TMEM131: variants seen among roughly 807,000 people sequenced by gnomAD.
TMEM131 encodes the protein transmembrane protein 131.
In TMEM131, 66 loss-of-function variants were observed where a neutral mutation model predicts 211.6. The observed-to-expected ratio is 0.31, with a 90% CI of 0.26 to 0.38. The LOEUF (loss-of-function observed/expected upper bound fraction) is 0.38. TMEM131 is among the 10% of genes least tolerant of loss of function. The pLI is 1.00. For missense variants in TMEM131, 2,036 were observed against 2,299.3 expected, an observed-to-expected ratio of 0.89 and a Z score of 2.34; for synonymous variants, 844 against 841.3, an observed-to-expected ratio of 1.00 and a Z score of -0.06.
chr2:97,966,386 CT>C (rs1330046866), intron 1 of TMEM131, among the ~76,000 whole-genome samples: 1 of 152,116 alleles, frequency 6.6e-6, no homozygotes, highest in African/African-American at 2.4e-5. Flanking sequence ...ATTTCTTCCA[CT>C]CTTCAAATCT....
At chr2:97,887,067 T>C (rs1465939280) in intron 4 of TMEM131, among the ~76,000 whole-genome samples, 1 of 151,996 alleles carries the variant, frequency 6.6e-6, no homozygotes, top group Non-Finnish European at 1.5e-5. Context: ...GGGTGACCCA[T>C]GGGGCTGTTT....
At chr2:97,801,173 G>GT (rs2104922054) in intron 25 of TMEM131, among the ~76,000 whole-genome samples, 1 of 152,336 alleles carries the variant, frequency 6.6e-6, no homozygotes, top group South Asian at 2.1e-4. Flanking sequence ...TGATACAATG[G>GT]TAAGGGCAAG....
At chr2:97,782,279 CAG>C (rs931464211) in intron 31 of TMEM131, among the ~76,000 whole-genome samples, 5 of 152,208 alleles carry the variant, frequency 3.3e-5, no homozygotes, top group African/African-American at 9.7e-5. Context: ...TGCGAGTCAA[CAG>C]AGGACAGCAG....
intron 1 of TMEM131, among the ~76,000 whole-genome samples, chr2:97,958,562 C>G (rs557312222): frequency 2.0e-4 from 30 of 152,200 alleles, no homozygotes; most frequent in African/African-American, 5.3e-4. Context: ...CATACTGAAT[C>G]GCATTCTCTG....
chr2:97,846,685 T>C (rs189846703), intron 5 of TMEM131, among the ~76,000 whole-genome samples: 1 of 152,298 alleles, frequency 6.6e-6, no homozygotes. Context: ...GCCTTTTTAT[T>C]TTAAAGCTAT....
At chr2:97,882,317 T>C (rs145815683) in intron 4 of TMEM131, among the ~76,000 whole-genome samples, 26 of 152,354 alleles carry the variant, frequency 1.7e-4, no homozygotes, top group African/African-American at 5.8e-4. Flanking sequence ...AGCAGCTATT[T>C]TGTAGCATAA....
At chr2:97,913,360 G>A (rs1222186313) in intron 2 of TMEM131, among the ~76,000 whole-genome samples, 5 of 152,098 alleles carry the variant, frequency 3.3e-5, no homozygotes, top group Admixed American at 6.5e-5. Flanking sequence ...TTCAAAGTGC[G>A]TTACTGTCTT....
At chr2:97,918,862 C>G (rs1676621479) in intron 2 of TMEM131, among the ~76,000 whole-genome samples, 1 of 151,016 alleles carries the variant, frequency 6.6e-6, no homozygotes, top group Non-Finnish European at 1.5e-5. Flanking sequence ...ACAATTTATT[C>G]TCACTTAAAG....
chr2:97,991,831 T>G (rs906961777), intron 1 of TMEM131, among the ~76,000 whole-genome samples: 3 of 152,222 alleles, frequency 2.0e-5, no homozygotes, highest in Non-Finnish European at 2.9e-5. Context: ...CAAGAGTAAT[T>G]TGGCTTATTG....
At chr2:97,825,994 C>T (rs1682365356) in intron 11 of TMEM131, among the ~76,000 whole-genome samples, 1 of 152,192 alleles carries the variant, frequency 6.6e-6, no homozygotes, top group South Asian at 2.1e-4. Flanking sequence ...CATGTGTGGC[C>T]CTCAGCCCTG....
chr2:97,962,181 A>C (rs540026765), intron 1 of TMEM131, among the ~76,000 whole-genome samples: 1 of 152,156 alleles, frequency 6.6e-6, no homozygotes, highest in Non-Finnish European at 1.5e-5. Context: ...AAAATTTAAA[A>C]TATTTACTCT....
At chr2:97,962,024 C>T (rs951843197) in intron 1 of TMEM131, among the ~76,000 whole-genome samples, 1 of 152,140 alleles carries the variant, frequency 6.6e-6, no homozygotes, top group Non-Finnish European at 1.5e-5. Flanking sequence ...GAATGGATTA[C>T]AGACCTAAAT....
At chr2:97,798,211 GT>G (rs1463126069) in intron 25 of TMEM131, among the ~76,000 whole-genome samples, 1 of 152,222 alleles carries the variant, frequency 6.6e-6, no homozygotes, top group Admixed American at 6.5e-5. Context: ...GCCAGTTATA[GT>G]TAAGGTTGAA....
chr2:97,905,452 GTTCT>G (rs1676029717), intron 3 of TMEM131, among the ~76,000 whole-genome samples: 1 of 152,130 alleles, frequency 6.6e-6, no homozygotes, highest in South Asian at 2.1e-4. Flanking sequence ...GTTTATTAAA[GTTCT>G]TTGACAGCTC....
At position 97,818,621 on chromosome 2, in the gene TMEM131, C is replaced by A; in HGVS notation, c.1175G>T (p.Ser392Ile). The change falls in exon 12 of 41, where the codon AGT (serine) becomes ATT (isoleucine). Residue 392 changes from serine (S) to isoleucine (I), a missense_variant. Around this residue, in one of 3 missense-constraint regions of TMEM131, gnomAD observed 277 missense variants for 378.0 expected, o/e 0.73. Coordinates refer to ENST00000186436, the MANE Select transcript of TMEM131 (RefSeq NM_015348.2). ...ESKYTKVASI[S>I]FDASKAKKPS... is the part of the protein sequence containing the mutation. ...AAATGGTGAATACTTGCCATCAAAA[C>A]TAATGCTTGCAACCTTGGTGTATTT... 5.6e-6 allele frequency: 9 copies of A among 1,595,054 alleles called. No individual in the cohort carries two copies. Among genetic ancestry groups the A allele is most frequent in the Non-Finnish European group, 7.7e-6 (9 of 1,166,272 alleles).
At chr2:97,799,463 G>A (rs917320749) in intron 25 of TMEM131, among the ~76,000 whole-genome samples, 1 of 152,198 alleles carries the variant, frequency 6.6e-6, no homozygotes, top group Non-Finnish European at 1.5e-5. Context: ...CTGAAAGAAT[G>A]ACAGACAGTC....
chr2:97,833,485 A>T (rs1682800045), intron 10 of TMEM131, 59 bp from the exon 11 acceptor site: 10 of 746,880 alleles, frequency 1.3e-5, no homozygotes, highest in Non-Finnish European at 2.0e-5. Flanking sequence ...CCAAGTTAGA[A>T]TCTTTACCTT....
In TMEM131 at chr2:97,917,762, G is replaced by A. The variant is rs147397882; in HGVS notation, c.250-9064C>T. 8.0e-4 allele frequency among the ~76,000 whole-genome samples: 122 copies of A among 152,180 alleles called. No homozygotes were observed. In the East Asian group the frequency reaches 0.014, roughly 18 times the overall value. On this transcript the variant is annotated intron_variant, in intron 2 of 40. Transcript: ENST00000186436. ...CAAGAACAGCATGGGAGTAACCGCC[G>A]CCATGATTCAATTACCTCCCAGCAG...
In TMEM131 at chr2:97,927,494, A is replaced by G; in HGVS notation, c.188-7T>C. On this transcript the variant is annotated splice_polypyrimidine_tract_variant and splice_region_variant and intron_variant, in intron 1 of 40. Coordinates refer to ENST00000186436, the MANE Select transcript of TMEM131 (RefSeq NM_015348.2). ...CTCTCTGACTGAACGAATGCTGTGA[A>G]GAAAACAAAACATACCATCACTTAC... 1 of 1,562,462 alleles carries G rather than the reference A, an allele frequency of 6.4e-7. No homozygotes were observed. Among genetic ancestry groups the G allele is most frequent in the Non-Finnish European group, 8.6e-7 (1 of 1,156,960 alleles).
Sources: gnomAD v4.1 joint callset for allele counts (sites outside exome capture counted in the v4.1 genomes callset) on GRCh38, gnomAD v4.1.1 for gene constraint, gnomAD v4.1.1 regional missense constraint, MANE v1.5 for transcripts, NCBI Gene and HGNC (gene_info 2026-07-23, HGNC 2026-07-21) for gene names.